Variants in CNNM2 observed in about 807,000 individuals in gnomAD.
The protein encoded by CNNM2 is metal transporter CNNM2.
In CNNM2, 12 loss-of-function variants were observed where a neutral mutation model predicts 66.9. That is an observed-to-expected ratio of 0.18 (90% CI 0.11 to 0.29). The LOEUF is 0.29. Ranked by LOEUF, CNNM2 falls within the 10% of genes least tolerant of loss-of-function variation. The pLI is 1.00. For missense variants in CNNM2, 705 were observed against 1,167.7 expected (o/e 0.60, Z 5.77); for synonymous variants, 557 against 501.8 (o/e 1.11, Z -1.47).
At chr10:103,058,640 A>T (rs1437735284) in intron 4 of CNNM2, among the ~76,000 whole-genome samples, 1 of 152,218 alleles carries the variant, frequency 6.6e-6, no homozygotes, top group Non-Finnish European at 1.5e-5. Context: ...CTGTATTTGT[A>T]TACCAATTTG....
intron 1 of CNNM2, among the ~76,000 whole-genome samples, chr10:102,965,086 T>C (rs1157345689): frequency 6.6e-6 from 1 of 152,234 alleles, no homozygotes; most frequent in African/African-American, 2.4e-5. Context: ...CGCCTTGATC[T>C]TAGACTTCCC....
intron 1 of CNNM2, among the ~76,000 whole-genome samples, chr10:102,924,937 C>G (rs1193322485): frequency 6.6e-6 from 1 of 152,120 alleles, no homozygotes; most frequent in Non-Finnish European, 1.5e-5. Context: ...AATACAGAAT[C>G]AGAGCTGGAA....
intron 1 of CNNM2, among the ~76,000 whole-genome samples, chr10:102,973,053 A>G (rs1490472370): frequency 6.6e-6 from 1 of 152,148 alleles, no homozygotes. Context: ...TAAATTTTGT[A>G]GTATAATGGT....
intron 1 of CNNM2, among the ~76,000 whole-genome samples, chr10:102,991,515 C>T (rs1293341463): frequency 6.6e-6 from 1 of 152,158 alleles, no homozygotes. Flanking sequence ...TCCTCCATTA[C>T]AGTGCTCTCC....
intron 1 of CNNM2, 42 bp from the exon 2 acceptor site, chr10:103,049,656 CATTCAGAAA>C: frequency 2.6e-6 from 4 of 1,558,166 alleles, no homozygotes; most frequent in East Asian, 2.3e-5. Flanking sequence ...TATAACATGT[CATTCAGAAA>C]ATTCAGAAAG....
At chr10:102,977,904 A>G (rs1266882642) in intron 1 of CNNM2, among the ~76,000 whole-genome samples, 1 of 151,738 alleles carries the variant, frequency 6.6e-6, no homozygotes, top group Non-Finnish European at 1.5e-5. Flanking sequence ...TCCTCCTGGG[A>G]CCTATTTTGT....
intron 1 of CNNM2, among the ~76,000 whole-genome samples, chr10:103,035,506 C>T (rs915129784): frequency 2.0e-5 from 3 of 152,162 alleles, no homozygotes; most frequent in African/African-American, 7.2e-5. Context: ...ATGGGAAAAT[C>T]CGAGTCTTTA....
intron 1 of CNNM2, among the ~76,000 whole-genome samples, chr10:102,960,163 A>G (rs1369907516): frequency 1.3e-5 from 2 of 152,168 alleles, no homozygotes; most frequent in Non-Finnish European, 2.9e-5. Flanking sequence ...AGCTCAGCAC[A>G]GTGCCTGACG....
chr10:103,076,408 T>A, intron 7 of CNNM2, 138 bp downstream of exon 7: 1 of 799,610 alleles, frequency 1.3e-6, no homozygotes, highest in Non-Finnish European at 2.0e-6. Context: ...CATTCTCAAC[T>A]ACACACCCTG....
intron 5 of CNNM2, 61 bp downstream of exon 5, chr10:103,068,783 C>T: frequency 7.6e-7 from 1 of 1,317,476 alleles, no homozygotes; most frequent in Non-Finnish European, 1.1e-6. Flanking sequence ...GGCCCCTCTC[C>T]TTTCATCTTG....
intron 1 of CNNM2, among the ~76,000 whole-genome samples, chr10:102,983,312 A>G (rs1414546004): frequency 6.7e-6 from 1 of 148,430 alleles, no homozygotes; most frequent in Non-Finnish European, 1.5e-5. Context: ...AAAGCAGCCT[A>G]GCTGTCTTTA....
intron 2 of CNNM2, among the ~76,000 whole-genome samples, chr10:103,050,413 T>A (rs1402827457): frequency 6.6e-6 from 1 of 151,966 alleles, no homozygotes; most frequent in Non-Finnish European, 1.5e-5. Flanking sequence ...GGTGCATGCC[T>A]GTAATTCCAG....
At chr10:103,016,652 G>A (rs1243021147) in intron 1 of CNNM2, among the ~76,000 whole-genome samples, 2 of 152,224 alleles carry the variant, frequency 1.3e-5, no homozygotes, top group African/African-American at 4.8e-5. Flanking sequence ...TTTCTATGAT[G>A]TAACTGGATG....
intron 1 of CNNM2, among the ~76,000 whole-genome samples, chr10:103,024,565 G>A (rs1352071994): frequency 5.9e-5 from 9 of 151,634 alleles, no homozygotes; most frequent in African/African-American, 1.9e-4. Context: ...TGCAATCTCC[G>A]CCTCCCGGGT....
chr10:102,965,446 CGTT>C (rs1311789439), intron 1 of CNNM2, among the ~76,000 whole-genome samples: 4 of 152,176 alleles, frequency 2.6e-5, no homozygotes, highest in Non-Finnish European at 5.9e-5. Context: ...CCCCGGCTGT[CGTT>C]GTGCGCCTCC....
intron 2 of CNNM2, among the ~76,000 whole-genome samples, chr10:103,053,507 G>C (rs754638286): frequency 6.6e-6 from 1 of 152,162 alleles, no homozygotes; most frequent in Non-Finnish European, 1.5e-5. Context: ...TAGAGCAAGA[G>C]CCTGTCTTAA....
intron 6 of CNNM2, among the ~76,000 whole-genome samples, chr10:103,075,227 A>T (rs1388423286): frequency 6.6e-6 from 1 of 152,214 alleles, no homozygotes; most frequent in African/African-American, 2.4e-5. Flanking sequence ...GGTCCCCTCC[A>T]ATCCTGTGAT....
intron 4 of CNNM2, 27 bp from the exon 5 acceptor site, chr10:103,068,602 G>A (rs779150839): frequency 2.8e-5 from 45 of 1,588,232 alleles, no homozygotes; most frequent in Middle Eastern, 1.7e-4. Flanking sequence ...CAACTGGACT[G>A]AAAATACCTG....
intron 1 of CNNM2, among the ~76,000 whole-genome samples, chr10:102,929,091 C>G (rs903520574): frequency 6.6e-6 from 1 of 151,838 alleles, no homozygotes; most frequent in African/African-American, 2.4e-5. Flanking sequence ...GAAACCCAGT[C>G]TCCACTAAAA....
Sources: allele counts gnomAD v4.1 joint callset (sites outside exome capture counted in the v4.1 genomes callset), GRCh38; gene constraint gnomAD v4.1.1; transcripts MANE v1.5; gene names NCBI Gene and HGNC (gene_info 2026-07-23, HGNC 2026-07-21).